PACRG: variants seen among roughly 807,000 people sequenced by gnomAD.
The protein encoded by PACRG is parkin coregulated gene protein.
Under a neutral mutation model 29.7 loss-of-function variants are expected in PACRG, and 29 were observed. That is an observed-to-expected ratio of 0.98 (90% CI 0.73 to 1.33). The LOEUF is 1.33. Among genes scored for constraint, PACRG ranks in the 40% most tolerant of loss-of-function variants. The pLI, the probability that PACRG is intolerant of heterozygous loss-of-function variation, is 0.00. For synonymous variants in PACRG, 116 were observed against 118.7 expected (o/e 0.98, Z 0.15); for missense variants, 279 against 316.2 (o/e 0.88, Z 0.89).
chr6:162,918,245 C>A (rs1796828952), intron 2 of PACRG, among the ~76,000 whole-genome samples: 1 of 152,070 alleles, frequency 6.6e-6, no homozygotes, highest in Non-Finnish European at 1.5e-5. Context: ...TTTTTAGTGA[C>A]CATTAGCTAA....
intron 4 of PACRG, among the ~76,000 whole-genome samples, chr6:163,094,247 C>T (rs1459906224): frequency 1.3e-5 from 2 of 152,194 alleles, no homozygotes; most frequent in Non-Finnish European, 2.9e-5. Context: ...TTTTGGAATT[C>T]AGGTTCATCC....
chr6:163,233,395 A>G (rs1043883739), intron 4 of PACRG, among the ~76,000 whole-genome samples: 13 of 152,232 alleles, frequency 8.5e-5, no homozygotes, highest in African/African-American at 2.7e-4. Context: ...GTTGACCTAG[A>G]TGGTAATTTG....
chr6:163,013,232 A>T (rs1173158114), intron 2 of PACRG, among the ~76,000 whole-genome samples: 4 of 151,698 alleles, frequency 2.6e-5, no homozygotes, highest in Non-Finnish European at 5.9e-5. Context: ...GCCACCTTAG[A>T]CAAAAACCTG....
chr6:162,877,443 G>A (rs900538805), intron 2 of PACRG, among the ~76,000 whole-genome samples: 2 of 152,080 alleles, frequency 1.3e-5, no homozygotes, highest in Non-Finnish European at 2.9e-5. Context: ...TGGGAGGTTG[G>A]GGGCTAGGGG....
intron 1 of PACRG, among the ~76,000 whole-genome samples, chr6:162,809,401 C>A (rs909222778): frequency 6.6e-6 from 1 of 152,094 alleles, no homozygotes; most frequent in African/African-American, 2.4e-5. Context: ...TACATATCAC[C>A]ATGGATTATT....
intron 4 of PACRG, among the ~76,000 whole-genome samples, chr6:163,134,155 A>G (rs1400048007): frequency 6.6e-6 from 1 of 152,204 alleles, no homozygotes; most frequent in East Asian, 1.9e-4. Context: ...CTTCCGTTCC[A>G]TGTCATCATT....
intron 2 of PACRG, among the ~76,000 whole-genome samples, chr6:163,021,874 T>C (rs1222154822): frequency 6.6e-6 from 1 of 152,250 alleles, no homozygotes; most frequent in Non-Finnish European, 1.5e-5. Context: ...TATTCCGAGT[T>C]AAGCATCAGA....
At chr6:163,303,126 T>G (rs531898169) in intron 4 of PACRG, among the ~76,000 whole-genome samples, 1 of 152,272 alleles carries the variant, frequency 6.6e-6, no homozygotes, top group East Asian at 1.9e-4. Context: ...AGTCGAGACG[T>G]TCGAGATCAG....
chr6:162,808,408 T>C (rs1287843682), intron 1 of PACRG, among the ~76,000 whole-genome samples: 1 of 152,166 alleles, frequency 6.6e-6, no homozygotes, highest in Non-Finnish European at 1.5e-5. Context: ...ACAATGCAAA[T>C]TTCCTGCTTG....
At chr6:162,961,133 G>A (rs1372519236) in intron 2 of PACRG, among the ~76,000 whole-genome samples, 1 of 152,210 alleles carries the variant, frequency 6.6e-6, no homozygotes, top group Non-Finnish European at 1.5e-5. Flanking sequence ...CTCAAACGAG[G>A]CAAGAAGGAA....
intron 4 of PACRG, among the ~76,000 whole-genome samples, chr6:163,230,739 C>A (rs371851362): frequency 1.3e-5 from 2 of 152,162 alleles, no homozygotes; most frequent in South Asian, 2.1e-4. Flanking sequence ...AAATGAAGAA[C>A]GCAGGATGGT....
At chr6:163,076,633 C>T (rs1812572033) in intron 3 of PACRG, among the ~76,000 whole-genome samples, 1 of 152,180 alleles carries the variant, frequency 6.6e-6, no homozygotes, top group Non-Finnish European at 1.5e-5. Flanking sequence ...TACTATTTCC[C>T]TTCATTCACC....
chr6:163,190,135 GC>G (rs1406763708), intron 4 of PACRG: 2 of 152,166 alleles, frequency 1.3e-5, no homozygotes, highest in Non-Finnish European at 2.9e-5. Context: ...AGGACAAACA[GC>G]TCATCCCCAT....
chr6:163,082,749 A>AT (rs1302810922), intron 3 of PACRG, among the ~76,000 whole-genome samples: 1 of 151,970 alleles, frequency 6.6e-6, no homozygotes, highest in Non-Finnish European at 1.5e-5. Context: ...ATTTTAAACT[A>AT]TTTTTTCTAT....
intron 4 of PACRG, among the ~76,000 whole-genome samples, chr6:163,194,077 G>A (rs1780341369): frequency 6.6e-6 from 1 of 151,974 alleles, no homozygotes; most frequent in African/African-American, 2.4e-5. Flanking sequence ...ATTTTTAGTA[G>A]AGACAGGGTT....
At chr6:163,245,271 A>C (rs1326481135) in intron 4 of PACRG, 1 of 243,914 alleles carries the variant, frequency 4.1e-6, no homozygotes, top group African/African-American at 2.3e-5. Context: ...TAATTCTGTT[A>C]AACTACTCTT....
chr6:162,936,369 T>G (rs1430667757), intron 2 of PACRG, among the ~76,000 whole-genome samples: 1 of 152,182 alleles, frequency 6.6e-6, no homozygotes, highest in Non-Finnish European at 1.5e-5. Context: ...CAAGCTCAAT[T>G]TTGTTTATAA....
intron 2 of PACRG, among the ~76,000 whole-genome samples, chr6:163,007,783 GGA>G (rs1805253820): frequency 3.3e-5 from 5 of 152,058 alleles, no homozygotes; most frequent in Non-Finnish European, 7.4e-5. Context: ...GTCAGAGGTG[GGA>G]TCTCTGGGCT....
intron 2 of PACRG, among the ~76,000 whole-genome samples, chr6:163,009,381 A>G (rs892011300): frequency 3.9e-5 from 6 of 152,194 alleles, no homozygotes; most frequent in Admixed American, 3.9e-4. Flanking sequence ...ATATTAAAGG[A>G]AAGAGAGCTC....
Sources: allele counts gnomAD v4.1 joint callset (sites outside exome capture counted in the v4.1 genomes callset), GRCh38; gene constraint gnomAD v4.1.1; transcripts MANE v1.5; gene names NCBI Gene and HGNC (gene_info 2026-07-23, HGNC 2026-07-21).